Variants in FAM185A observed in about 807,000 individuals in gnomAD.
The protein encoded by FAM185A is protein FAM185A.
Under a neutral mutation model 45.7 loss-of-function variants are expected in FAM185A, and 21 were observed. The ratio of observed to expected loss-of-function variants is 0.46; its 90% CI spans 0.33 to 0.66. The LOEUF (loss-of-function observed/expected upper bound fraction) is 0.66. Among genes scored for constraint, FAM185A ranks in the 30% least tolerant of loss-of-function variants. The pLI, the probability that FAM185A is intolerant of heterozygous loss-of-function variation, is 0.03. For missense variants in FAM185A, 305 were observed against 485.4 expected (o/e 0.63, Z 3.49); for synonymous variants, 117 against 194.0 (o/e 0.60, Z 3.30).
the FAM185A span, chr7:102,834,471 A>ATG: frequency 6.9e-6 from 1 of 144,474 alleles, no homozygotes; most frequent in African/African-American, 2.6e-5. Flanking sequence ...ATATATATAT[A>ATG]TATGTGATGT....
chr7:102,754,489 TA>T (rs1793573683), intron 2 of FAM185A, among the ~76,000 whole-genome samples: 1 of 152,290 alleles, frequency 6.6e-6, no homozygotes, highest in Non-Finnish European at 1.5e-5. Context: ...CCCTACATAA[TA>T]AAATTTTTAT....
At chr7:102,820,088 C>T in the FAM185A span, among the ~76,000 whole-genome samples, 19 of 152,224 alleles carry the variant, frequency 1.2e-4, no homozygotes, top group Admixed American at 7.9e-4. Context: ...CTGGGACTCT[C>T]CAAGCCACTC....
At chr7:102,760,708 A>G (rs1794061629) in intron 3 of FAM185A, among the ~76,000 whole-genome samples, 1 of 152,124 alleles carries the variant, frequency 6.6e-6, no homozygotes, top group Non-Finnish European at 1.5e-5. Flanking sequence ...GCTGCTATTC[A>G]CTGTTGAATT....
At chr7:102,755,549 A>G in intron 2 of FAM185A, 3 of 621,098 alleles carry the variant, frequency 4.8e-6, no homozygotes, top group Non-Finnish European at 8.6e-6. Context: ...CTGTCTTTCG[A>G]GCAGGAGTTA....
At chr7:102,786,481 T>C (rs1408774674) in intron 6 of FAM185A, among the ~76,000 whole-genome samples, 2 of 152,184 alleles carry the variant, frequency 1.3e-5, no homozygotes, top group African/African-American at 4.8e-5. Context: ...ATATACACCA[T>C]GGGATACTAT....
the FAM185A span, among the ~76,000 whole-genome samples, chr7:102,849,917 G>C: frequency 6.6e-6 from 1 of 151,930 alleles, no homozygotes; most frequent in Non-Finnish European, 1.5e-5. Flanking sequence ...TCAGAGTACA[G>C]GTCAATAGGT....
chr7:102,822,082 T>G, the FAM185A span: 1 of 1,614,226 alleles, frequency 6.2e-7, no homozygotes, highest in Non-Finnish European at 8.5e-7. Context: ...GATCCGGAGT[T>G]GTTTGCAGCC....
chr7:102,845,869 C>T, the FAM185A span, among the ~76,000 whole-genome samples: 7 of 152,174 alleles, frequency 4.6e-5, no homozygotes, highest in South Asian at 2.1e-4. Context: ...TTAGGTACCT[C>T]GCCTGAATCC....
chr7:102,807,479 T>C (rs1259828406), intron 7 of FAM185A, among the ~76,000 whole-genome samples: 2 of 152,102 alleles, frequency 1.3e-5, no homozygotes, highest in Non-Finnish European at 2.9e-5. Flanking sequence ...GAAATGCTCA[T>C]TGGAGTAATT....
At chr7:102,800,653 G>T (rs188159451) in intron 7 of FAM185A, among the ~76,000 whole-genome samples, 1 of 152,112 alleles carries the variant, frequency 6.6e-6, no homozygotes, top group African/African-American at 2.4e-5. Flanking sequence ...ATAAGAGCTC[G>T]AAGACAAGGT....
At chr7:102,789,804 T>C (rs1379662179) in intron 7 of FAM185A, among the ~76,000 whole-genome samples, 14 of 152,276 alleles carry the variant, frequency 9.2e-5, no homozygotes, top group Admixed American at 9.2e-4. Context: ...GATATACTTG[T>C]CTATCTTTAT....
the FAM185A span, among the ~76,000 whole-genome samples, chr7:102,837,205 T>C: frequency 6.6e-6 from 1 of 152,224 alleles, no homozygotes; most frequent in Non-Finnish European, 1.5e-5. Flanking sequence ...GGACTGGTCA[T>C]GGCCTGGCAC....
chr7:102,779,124 T>C (rs1483478381), intron 6 of FAM185A, among the ~76,000 whole-genome samples: 1 of 152,216 alleles, frequency 6.6e-6, no homozygotes, highest in African/African-American at 2.4e-5. Flanking sequence ...TAACATAATA[T>C]GCCTTCAATA....
the FAM185A span, among the ~76,000 whole-genome samples, chr7:102,827,477 A>G: frequency 3.3e-5 from 5 of 152,128 alleles, no homozygotes; most frequent in African/African-American, 9.7e-5. Flanking sequence ...AGCCAATACT[A>G]TGTGCCAGGA....
the FAM185A span, among the ~76,000 whole-genome samples, chr7:102,834,088 A>G: frequency 2.6e-3 from 163 of 61,768 alleles, 5 homozygotes; most frequent in African/African-American, 0.011. Flanking sequence ...AAGGAAAGAA[A>G]AGAAAGAAAG....
chr7:102,806,773 C>T (rs1797138860), intron 7 of FAM185A, among the ~76,000 whole-genome samples: 1 of 152,110 alleles, frequency 6.6e-6, no homozygotes. Context: ...TTGTGATTGC[C>T]ACAGCCTATG....
At chr7:102,778,619 T>G (rs1253421826) in intron 6 of FAM185A, among the ~76,000 whole-genome samples, 6 of 152,212 alleles carry the variant, frequency 3.9e-5, no homozygotes, top group African/African-American at 1.4e-4. Flanking sequence ...GGAATATTGC[T>G]GGAACAATAT....
At chr7:102,779,850 CTTTTTTTTTTTTTTT>C (rs10537618) in intron 6 of FAM185A, 1 of 34,202 alleles carries the variant, frequency 2.9e-5, no homozygotes, top group East Asian at 1.2e-3. Context: ...CCACACCCAG[CTTTTTTTTTTTTTTT>C]TTTTTTTTTT....
At chr7:102,839,697 C>G in the FAM185A span, among the ~76,000 whole-genome samples, 1 of 152,178 alleles carries the variant, frequency 6.6e-6, no homozygotes, top group Non-Finnish European at 1.5e-5. Context: ...CCGCCTGCCT[C>G]AGCCTCCCAA....
Sources: gnomAD v4.1 joint callset for allele counts (sites outside exome capture counted in the v4.1 genomes callset) on GRCh38, gnomAD v4.1.1 for gene constraint, MANE v1.5 for transcripts, NCBI Gene and HGNC (gene_info 2026-07-23, HGNC 2026-07-21) for gene names.